The following PTPRC variants were observed in gnomAD, a reference collection of about 807,000 sequenced individuals.
The protein encoded by PTPRC is receptor-type tyrosine-protein phosphatase C.
A neutral mutation model predicts 155.9 loss-of-function variants in PTPRC; 44 were observed. The ratio of observed to expected loss-of-function variants is 0.28; its 90% CI spans 0.22 to 0.36. The LOEUF (loss-of-function observed/expected upper bound fraction) is 0.36. Among genes scored for constraint, PTPRC ranks in the 10% least tolerant of loss-of-function variants. PTPRC has a pLI of 1.00. For synonymous variants in PTPRC, 525 were observed against 533.1 expected (o/e 0.98, Z 0.21); for missense variants, 1,401 against 1,564.6 (o/e 0.90, Z 1.76).
Position 198,752,706 on chromosome 1 carries a change from T to C in PTPRC, c.3443T>C (p.Leu1148Pro). The change falls in exon 31 of 33, where the codon CTT becomes CCT. Residue 1148 changes from leucine to proline, a missense_variant. Physicochemically the swap from Leu to Pro is moderately conservative, Grantham distance 98. Coordinates refer to ENST00000442510, the MANE Select transcript of PTPRC (RefSeq NM_002838.5). Reference sequence around the variant, plus strand: ...ATGATTCAGGTCGTCAAACAAAAACTTCCCCAGAAGAATTCCTCTGAAGGG... The same window carrying C: ...ATGATTCAGGTCGTCAAACAAAAACCTCCCCAGAAGAATTCCTCTGAAGGG... ...ISMIQVVKQK[L>P]PQKNSSEGNK... 4 of 1,612,958 alleles carry C rather than the reference T, an allele frequency of 2.5e-6. No individual in the cohort carries two copies. Among genetic ancestry groups the C allele is most frequent in the South Asian group, 1.1e-5 (1 of 91,066 alleles).
intron 2 of PTPRC, among the ~76,000 whole-genome samples, chr1:198,690,212 T>G (rs573816103): frequency 6.6e-6 from 1 of 152,184 alleles, no homozygotes; most frequent in Non-Finnish European, 1.5e-5. Context: ...TCACAAACAA[T>G]GAAGGACACT....
chr1:198,654,403 C>G (rs761813247), intron 2 of PTPRC, among the ~76,000 whole-genome samples: 1 of 151,768 alleles, frequency 6.6e-6, no homozygotes, highest in Non-Finnish European at 1.5e-5. Flanking sequence ...ATTTCATTCT[C>G]TCACTTTATA....
chr1:198,746,119 G>A lies in PTPRC; in HGVS notation c.2847+1916G>A, dbSNP rs533417049. On this transcript the variant is annotated intron_variant, in intron 26 of 32. Transcript: ENST00000442510. ...TGGATAGATTATTCTTGTCAATGTT[G>A]AATTAACCAAAAATGATGACAGACC... Among the ~76,000 whole-genome samples the A allele has an allele frequency of 5.3e-5, 8 of 151,832 alleles. 1 individual carries two copies. The highest frequency in any genetic ancestry group is 4.6e-4 in the Admixed American group (7 of 15,202).
intron 2 of PTPRC, among the ~76,000 whole-genome samples, chr1:198,667,726 A>G (rs1378879048): frequency 6.6e-6 from 1 of 152,260 alleles, no homozygotes; most frequent in Non-Finnish European, 1.5e-5. Context: ...ACATCTACAC[A>G]TATACAAACT....
At chr1:198,702,565 A>G in intron 6 of PTPRC, 35 bp downstream of exon 6, 1 of 1,612,336 alleles carries the variant, frequency 6.2e-7, no homozygotes, top group South Asian at 1.1e-5. Context: ...GTCTTCAGTT[A>G]TAGATAATGA....
chr1:198,711,938 T>A (rs537492488), intron 11 of PTPRC, among the ~76,000 whole-genome samples: 2 of 152,304 alleles, frequency 1.3e-5, no homozygotes, highest in South Asian at 4.1e-4. Flanking sequence ...ATACATCCAT[T>A]AAAATGGCTA....
chr1:198,754,323 T>C lies in PTPRC; in HGVS notation c.3564T>C (p.Ser1188=), dbSNP rs757046775. 1.3e-5 allele frequency: 21 copies of C among 1,611,982 alleles called. No individual in the cohort carries two copies. In the East Asian group the frequency reaches 4.7e-4, roughly 36 times the overall value. ...IFCALLNLLE[S]AETEEVVDIF... ...GTGCTTTGTTAAATCTCTTAGAAAG[T>C]GCGGAAACAGAAGAGGTAGTGGATA... Residue 1188 remains serine, a synonymous_variant, in exon 32 of 33, where the codon AGT becomes AGC. Coordinates refer to ENST00000442510, the MANE Select transcript of PTPRC (RefSeq NM_002838.5).
chr1:198,670,768 T>G (rs974083555), intron 2 of PTPRC, among the ~76,000 whole-genome samples: 1 of 152,178 alleles, frequency 6.6e-6, no homozygotes, highest in Non-Finnish European at 1.5e-5. Flanking sequence ...TTAGCAATTT[T>G]CAAATATACA....
At chr1:198,668,158 G>A (rs1012373168) in intron 2 of PTPRC, among the ~76,000 whole-genome samples, 2 of 152,136 alleles carry the variant, frequency 1.3e-5, no homozygotes, top group Non-Finnish European at 2.9e-5. Flanking sequence ...GCTATCTGGA[G>A]GAAGAGCATT....
At chr1:198,698,951 TG>T in intron 4 of PTPRC, among the ~76,000 whole-genome samples, 1 of 152,294 alleles carries the variant, frequency 6.6e-6, no homozygotes, top group Admixed American at 6.5e-5. Context: ...CAAGAGACCG[TG>T]TATGTAAGCA....
At chr1:198,704,325 G>C in intron 7 of PTPRC, 147 bp from the exon 8 acceptor site, 3 of 1,429,692 alleles carry the variant, frequency 2.1e-6, no homozygotes, top group Non-Finnish European at 2.8e-6. Context: ...ATGAAAACCT[G>C]TACTAGGCAA....
At chr1:198,639,414 A>C (rs1382297013) in intron 2 of PTPRC, 73 bp downstream of exon 2, 8 of 1,200,612 alleles carry the variant, frequency 6.7e-6, no homozygotes, top group Non-Finnish European at 8.4e-6. Flanking sequence ...TAGACATAAA[A>C]ATAATTTAAA....
chr1:198,643,809 G>C (rs1662781178), intron 2 of PTPRC, among the ~76,000 whole-genome samples: 1 of 151,970 alleles, frequency 6.6e-6, no homozygotes, highest in Non-Finnish European at 1.5e-5. Flanking sequence ...ATCAGGTCCA[G>C]TCATGGCAAT....
chr1:198,683,943 A>T (rs1051121121), intron 2 of PTPRC, among the ~76,000 whole-genome samples: 2 of 128,822 alleles, frequency 1.6e-5, no homozygotes, highest in Non-Finnish European at 3.2e-5. Flanking sequence ...GAGCTAAACG[A>T]AGTGACATAA....
chr1:198,708,329 C>T (rs1653109127), intron 10 of PTPRC, 68 bp downstream of exon 10: 1 of 1,463,338 alleles, frequency 6.8e-7, no homozygotes, highest in Non-Finnish European at 9.5e-7. Context: ...ATTATTTAAT[C>T]TTACTCTCTG....
intron 2 of PTPRC, among the ~76,000 whole-genome samples, chr1:198,665,312 G>A (rs1205611356): frequency 6.7e-6 from 1 of 149,678 alleles, no homozygotes; most frequent in Non-Finnish European, 1.5e-5. Flanking sequence ...CCGCCCTGCT[G>A]CCTTTTAAAG....
intron 2 of PTPRC, among the ~76,000 whole-genome samples, chr1:198,678,642 C>T (rs947192968): frequency 6.6e-6 from 1 of 152,170 alleles, no homozygotes; most frequent in Non-Finnish European, 1.5e-5. Flanking sequence ...GCCTCCATGC[C>T]AGCCAGCCTC....
intron 2 of PTPRC, among the ~76,000 whole-genome samples, chr1:198,642,907 C>T (rs28416396): frequency 0.7 from 65,065 of 92,620 alleles, 21,940 homozygotes; most frequent in Non-Finnish European, 0.75. Context: ...TTTCTTTCTT[C>T]CTTTCTTTCT....
chr1:198,755,023 AC>A (rs1314624146), intron 32 of PTPRC, among the ~76,000 whole-genome samples: 1 of 152,144 alleles, frequency 6.6e-6, no homozygotes, highest in Non-Finnish European at 1.5e-5. Context: ...AGCAAGTTCC[AC>A]AAGGGAAAGA....
Sources: gnomAD v4.1 joint callset for allele counts (sites outside exome capture counted in the v4.1 genomes callset) on GRCh38, gnomAD v4.1.1 for gene constraint, MANE v1.5 for transcripts, NCBI Gene and HGNC (gene_info 2026-07-23, HGNC 2026-07-21) for gene names.